The following DDR2 variants were observed in gnomAD, a reference collection of about 807,000 sequenced individuals.
DDR2 encodes discoidin domain-containing receptor 2.
In DDR2, 27 loss-of-function variants were observed where a neutral mutation model predicts 94.9. The ratio of observed to expected loss-of-function variants is 0.28; its 90% confidence interval spans 0.21 to 0.39. The LOEUF (loss-of-function observed/expected upper bound fraction) is 0.39. DDR2 is among the 10% of genes least tolerant of loss of function. The pLI is 1.00. For synonymous variants in DDR2, 382 were observed against 377.2 expected, an observed-to-expected ratio of 1.01 and a Z score of -0.15; for missense variants, 783 against 1,076.0, an observed-to-expected ratio of 0.73 and a Z score of 3.81.
intron 7 of DDR2, among the ~76,000 whole-genome samples, chr1:162,758,186 A>G (rs1409184118): frequency 6.6e-6 from 1 of 152,140 alleles, no homozygotes; most frequent in Non-Finnish European, 1.5e-5. Context: ...AAAAAAAATT[A>G]CAAAAATGTA....
intron 4 of DDR2, among the ~76,000 whole-genome samples, chr1:162,753,960 A>G (rs899247477): frequency 6.6e-6 from 1 of 152,232 alleles, no homozygotes; most frequent in Non-Finnish European, 1.5e-5. Context: ...CAACAAATGA[A>G]TGGGTAATAT....
chr1:162,644,445 A>G (rs906596581), intron 1 of DDR2, among the ~76,000 whole-genome samples: 1 of 152,216 alleles, frequency 6.6e-6, no homozygotes, highest in African/African-American at 2.4e-5. Context: ...TGATGAAGTT[A>G]TTATAGTTAC....
intron 9 of DDR2, among the ~76,000 whole-genome samples, chr1:162,762,602 T>C (rs1007802027): frequency 6.6e-6 from 1 of 152,228 alleles, no homozygotes; most frequent in Non-Finnish European, 1.5e-5. Context: ...TTCTTCCGAA[T>C]AGAGTAACTA....
At chr1:162,753,939 T>C (rs1663335378) in intron 4 of DDR2, among the ~76,000 whole-genome samples, 2 of 152,214 alleles carry the variant, frequency 1.3e-5, no homozygotes, top group African/African-American at 4.8e-5. Flanking sequence ...GTAGGTGGAA[T>C]TGGAAGGGAG....
intron 2 of DDR2, among the ~76,000 whole-genome samples, chr1:162,673,061 C>G (rs773607237): frequency 2.0e-5 from 3 of 152,152 alleles, no homozygotes; most frequent in Non-Finnish European, 4.4e-5. Flanking sequence ...ATTATGGGCT[C>G]TAATTGCCCA....
intron 7 of DDR2, among the ~76,000 whole-genome samples, chr1:162,759,160 G>A (rs1397206): frequency 0.97 from 147,672 of 152,228 alleles, 71,782 homozygotes; most frequent in East Asian, 1. Context: ...AATTTAATTA[G>A]AATTAAATAG....
intron 1 of DDR2, among the ~76,000 whole-genome samples, chr1:162,635,819 C>G (rs1380354860): frequency 2.6e-5 from 4 of 152,188 alleles, no homozygotes; most frequent in Non-Finnish European, 5.9e-5. Flanking sequence ...GAACTGCTCC[C>G]CAGGTGATTC....
intron 1 of DDR2, among the ~76,000 whole-genome samples, chr1:162,647,725 T>C (rs933138317): frequency 2.0e-5 from 3 of 152,188 alleles, no homozygotes; most frequent in Non-Finnish European, 4.4e-5. Flanking sequence ...GTTATAGCGC[T>C]GGTGGGAATG....
chr1:162,741,241 A>ATATAATATAG lies in DDR2; in HGVS notation c.83-11850_83-11849insATATAGTATA, dbSNP rs71096405. On this transcript the variant is annotated intron_variant, in intron 3 of 17. Coordinates refer to ENST00000367921, the MANE Select transcript of DDR2 (RefSeq NM_006182.4). ...ATATAATATAATATAATATAATATAATATAGTATAATGTAATGTAATGTAA... is the reference window on the plus strand; with the variant it reads ...ATATAATATAATATAATATAATATAATATAATATAGTATAGTATAATGTAATGTAATGTAA... Among the ~76,000 whole-genome samples the ATATAATATAG allele has an allele frequency of 1.8e-4, 23 of 127,434 alleles. No individual in the cohort carries two copies. In the Admixed American group the frequency reaches 1.8e-3, roughly 10 times the overall value. The allele number at this position is 127,434 out of a possible 152,430, so 83.6% of individuals were successfully genotyped here. A position where few individuals can be genotyped will look rare whatever the true frequency, so the allele number is the denominator to read the frequency against.
chr1:162,749,244 T>C (rs922462726), intron 3 of DDR2, among the ~76,000 whole-genome samples: 3 of 151,902 alleles, frequency 2.0e-5, no homozygotes, highest in African/African-American at 7.3e-5. Context: ...ATCAACAAAA[T>C]TGATAGACCG....
At chr1:162,733,034 C>T (rs1662132992) in intron 3 of DDR2, among the ~76,000 whole-genome samples, 3 of 152,250 alleles carry the variant, frequency 2.0e-5, no homozygotes, top group Non-Finnish European at 4.4e-5. Flanking sequence ...GAATTGGCTT[C>T]TCTGTCCGGG....
intron 3 of DDR2, among the ~76,000 whole-genome samples, chr1:162,749,165 C>T (rs1016543917): frequency 1.3e-5 from 2 of 152,016 alleles, no homozygotes; most frequent in African/African-American, 2.4e-5. Flanking sequence ...CAGAGCAGAA[C>T]TGAAGGAGAT....
In DDR2 at chr1:162,772,196, C is replaced by T. The variant is rs1350936433; in HGVS notation, c.1677C>T (p.Pro559=). 6.2e-7 allele frequency: 1 copy of T among 1,614,210 alleles called. No homozygotes were observed. Among genetic ancestry groups the T allele is most frequent in the Non-Finnish European group, 8.5e-7 (1 of 1,180,034 alleles). The stretch of plus-strand genomic sequence containing the variant: ...AAGATGTGGCTGTGGAGGAGTTCCC[C>T]AGGAAACTCCTAACTTTCAAAGAGA... ...SGKDVAVEEF[P]RKLLTFKEKL... The change falls in exon 13 of 18, where the codon CCC becomes CCT. Residue 559 remains proline (P), a synonymous_variant. Transcript: ENST00000367921.
At chr1:162,738,058 G>A (rs1662404794) in intron 3 of DDR2, among the ~76,000 whole-genome samples, 2 of 151,212 alleles carry the variant, frequency 1.3e-5, no homozygotes, top group Admixed American at 1.3e-4. Flanking sequence ...AGACAGGGAT[G>A]CCCTCTCTCA....
chr1:162,660,720 A>G (rs1009091642), intron 2 of DDR2, among the ~76,000 whole-genome samples: 3 of 152,218 alleles, frequency 2.0e-5, no homozygotes, highest in African/African-American at 4.8e-5. Flanking sequence ...ACTTCTGCAC[A>G]GAACAGATGG....
At chr1:162,766,306 A>G (rs1321022166) in intron 10 of DDR2, among the ~76,000 whole-genome samples, 1 of 152,158 alleles carries the variant, frequency 6.6e-6, no homozygotes, top group Non-Finnish European at 1.5e-5. Flanking sequence ...TAATTTCTCC[A>G]TGAAAGTTTG....
At chr1:162,764,825 TAAA>T (rs766135759) in intron 9 of DDR2, among the ~76,000 whole-genome samples, 1 of 132,298 alleles carries the variant, frequency 7.6e-6, no homozygotes, top group Admixed American at 7.6e-5. Flanking sequence ...AGACCCTGTT[TAAA>T]AAAAAAAAAA....
rs191568086 is a variant in DDR2, at chr1:162,665,170, T to C, written c.-28+9796T>C. ...TTGTACATGTCCATAACCTCCCCTT[T>C]CTGAAACTCTACTTGTTCCTGGGGA... On this transcript the variant is annotated intron_variant, in intron 2 of 17. Coordinates refer to ENST00000367921, the MANE Select transcript of DDR2 (RefSeq NM_006182.4). Among the ~76,000 whole-genome samples, 149 of 152,328 alleles carry C rather than the reference T, an allele frequency of 9.8e-4. 1 individual carries two copies. Among genetic ancestry groups the C allele is most frequent in the African/African-American group, 3.4e-3 (143 of 41,566 alleles).
intron 2 of DDR2, among the ~76,000 whole-genome samples, chr1:162,658,308 C>T (rs1215570570): frequency 2.6e-5 from 4 of 152,126 alleles, no homozygotes. Flanking sequence ...GTGACAGGAA[C>T]ACACCTGGAA....
Sources: gnomAD v4.1 joint callset for allele counts (sites outside exome capture counted in the v4.1 genomes callset) on GRCh38, gnomAD v4.1.1 for gene constraint, MANE v1.5 for transcripts, NCBI Gene and HGNC (gene_info 2026-07-23, HGNC 2026-07-21) for gene names.